The following GIN1 variants were observed in gnomAD, a reference collection of about 807,000 sequenced individuals.
GIN1 encodes the protein gypsy retrotransposon integrase 1.
Under a neutral mutation model 51.4 loss-of-function variants are expected in GIN1, and 41 were observed. That is an observed-to-expected ratio of 0.80 (90% CI 0.62 to 1.04). The LOEUF is 1.04. GIN1 is among the 50% of genes least tolerant of loss of function. The pLI, the probability that GIN1 is intolerant of heterozygous loss-of-function variation, is 0.00. For synonymous variants in GIN1, 222 were observed against 206.5 expected, an observed-to-expected ratio of 1.07 and a Z score of -0.64; for missense variants, 610 against 612.4, an observed-to-expected ratio of 1.00 and a Z score of 0.04.
At chr5:103,117,569 A>T in intron 1 of GIN1, among the ~76,000 whole-genome samples, 1 of 91,546 alleles carries the variant, frequency 1.1e-5, no homozygotes, top group East Asian at 5.6e-4. Context: ...TCTCTATATG[A>T]AGAAAAAAAT....
intron 7 of GIN1, among the ~76,000 whole-genome samples, chr5:103,092,616 T>C (rs1465541209): frequency 1.3e-5 from 2 of 152,228 alleles, no homozygotes; most frequent in South Asian, 2.1e-4. Flanking sequence ...TAATAACTAA[T>C]ACTGTCAACA....
intron 4 of GIN1, among the ~76,000 whole-genome samples, chr5:103,099,086 C>A (rs539243937): frequency 6.6e-6 from 1 of 151,650 alleles, no homozygotes; most frequent in East Asian, 1.9e-4. Context: ...CGAGTAGTAT[C>A]AGAATAACTA....
chr5:103,114,464 G>A (rs1787971823), intron 1 of GIN1, among the ~76,000 whole-genome samples: 1 of 152,204 alleles, frequency 6.6e-6, no homozygotes, highest in Admixed American at 6.5e-5. Flanking sequence ...CTGGCTTAGG[G>A]AGAAAGATGA....
intron 7 of GIN1, among the ~76,000 whole-genome samples, chr5:103,089,478 T>A (rs1249498968): frequency 6.6e-6 from 1 of 152,094 alleles, no homozygotes; most frequent in Non-Finnish European, 1.5e-5. Flanking sequence ...ATTCATTCAT[T>A]CATGGTCTTG....
chr5:103,088,750 C>A lies in GIN1; in HGVS notation c.1295-578G>T, dbSNP rs34962224. Among the ~76,000 whole-genome samples the A allele has an allele frequency of 4.4e-3, 671 of 152,078 alleles. 3 individuals are homozygous for A. The highest frequency in any genetic ancestry group is 0.016 in the South Asian group (75 of 4,808). Reference sequence around the variant, plus strand: ...TTGAGGTTGCAGTGAGCCATGATGGCACCACTGCACTCCAGCATGGGTGAC... The same window carrying A: ...TTGAGGTTGCAGTGAGCCATGATGGAACCACTGCACTCCAGCATGGGTGAC... On this transcript the variant is annotated intron_variant, in intron 7 of 7. Coordinates refer to ENST00000399004, the MANE Select transcript of GIN1 (RefSeq NM_017676.2).
At chr5:103,091,609 T>C (rs34803) in intron 7 of GIN1, among the ~76,000 whole-genome samples, 37,477 of 152,118 alleles carry the variant, frequency 0.25, 5,201 homozygotes, top group East Asian at 0.45. Flanking sequence ...TCTTTGAAAT[T>C]AAAATATTTT....
chr5:103,099,942 A>G (rs1277364612), intron 4 of GIN1, among the ~76,000 whole-genome samples: 1 of 152,186 alleles, frequency 6.6e-6, no homozygotes, highest in Non-Finnish European at 1.5e-5. Flanking sequence ...TTTGCTGACA[A>G]AAGAGTTCAT....
chr5:103,112,100 A>C (rs1554196981), intron 1 of GIN1, among the ~76,000 whole-genome samples: 1 of 152,122 alleles, frequency 6.6e-6, no homozygotes, highest in Non-Finnish European at 1.5e-5. Flanking sequence ...GCACTACAAA[A>C]ATCTTTGGAG....
At chr5:103,106,619 T>C in intron 3 of GIN1, 97 bp downstream of exon 3, 1 of 688,038 alleles carries the variant, frequency 1.5e-6, no homozygotes, top group Admixed American at 3.7e-5. Context: ...AAATACTTAA[T>C]GAGAGGTGAT....
intron 4 of GIN1, chr5:103,102,369 A>G (rs1427406427): frequency 1.3e-5 from 2 of 152,206 alleles, no homozygotes; most frequent in African/African-American, 4.8e-5. Context: ...TCTGTTTGAC[A>G]CCATGAAAAC....
Position 103,097,652 on chromosome 5 carries a change from G to C in GIN1, c.769C>G (p.His257Asp), listed in dbSNP as rs782690279. ...AGGTGATCATCCCAATTGTTTGGGT[G>C]GTCAGCACAGTGTTTGGAGAGAAAT... Reference protein sequence around the residue: ...KAFLSKHCADHPNNWDDHLSA... With the variant: ...KAFLSKHCADDPNNWDDHLSA... The change falls in exon 5 of 8, where the codon CAC becomes GAC. Residue 257 changes from histidine (H) to aspartate (D), a missense_variant. By Grantham distance (81) the His-to-Asp change is moderately conservative (BLOSUM62 -1). Transcript: ENST00000399004. The C allele has an allele frequency of 6.2e-7, 1 of 1,610,688 alleles. No homozygotes were observed. The highest frequency in any genetic ancestry group is 1.1e-5 in the South Asian group (1 of 91,014).
intron 1 of GIN1, among the ~76,000 whole-genome samples, chr5:103,109,952 C>T (rs959242350): frequency 3.3e-5 from 5 of 151,962 alleles, no homozygotes; most frequent in African/African-American, 1.2e-4. Context: ...AAAGTCAATA[C>T]GTTTACAATG....
intron 3 of GIN1, among the ~76,000 whole-genome samples, chr5:103,106,248 G>T (rs1394445606): frequency 6.6e-6 from 1 of 152,096 alleles, no homozygotes; most frequent in Non-Finnish European, 1.5e-5. Context: ...CTCAAAATTT[G>T]ATTTTGGTTA....
At chr5:103,100,075 T>C (rs1326083557) in intron 4 of GIN1, among the ~76,000 whole-genome samples, 1 of 152,020 alleles carries the variant, frequency 6.6e-6, no homozygotes, top group Non-Finnish European at 1.5e-5. Context: ...TCTCACAAAA[T>C]AGGCCTGCAA....
intron 1 of GIN1, among the ~76,000 whole-genome samples, chr5:103,111,383 G>T (rs553148318): frequency 5.9e-5 from 9 of 152,128 alleles, no homozygotes; most frequent in African/African-American, 1.9e-4. Context: ...TCCCTTAATA[G>T]TTTTTGGAAC....
At chr5:103,088,667 G>C (rs1185006138) in intron 7 of GIN1, among the ~76,000 whole-genome samples, 1 of 152,100 alleles carries the variant, frequency 6.6e-6, no homozygotes, top group Non-Finnish European at 1.5e-5. Context: ...GGTTAAGGGT[G>C]TCTATGGTCC....
intron 7 of GIN1, among the ~76,000 whole-genome samples, chr5:103,094,938 T>C (rs551471862): frequency 1.3e-5 from 2 of 152,300 alleles, no homozygotes; most frequent in African/African-American, 4.8e-5. Flanking sequence ...AACAACTCGG[T>C]CTGTCACAAG....
intron 4 of GIN1, among the ~76,000 whole-genome samples, chr5:103,100,715 T>G (rs1554195706): frequency 1.3e-5 from 2 of 152,104 alleles, no homozygotes; most frequent in Non-Finnish European, 2.9e-5. Context: ...TAGAAAAATT[T>G]TCAAAGTCCT....
At chr5:103,090,528 T>C (rs559245744) in intron 7 of GIN1, among the ~76,000 whole-genome samples, 7 of 152,150 alleles carry the variant, frequency 4.6e-5, no homozygotes, top group Non-Finnish European at 1.0e-4. Flanking sequence ...TACTAAGTCA[T>C]GGAGAATTCC....
Sources: gnomAD v4.1 joint callset for allele counts (sites outside exome capture counted in the v4.1 genomes callset) on GRCh38, gnomAD v4.1.1 for gene constraint, MANE v1.5 for transcripts, NCBI Gene and HGNC (gene_info 2026-07-23, HGNC 2026-07-21) for gene names.